The following KLRG1 variants were observed in gnomAD, a reference collection of about 807,000 sequenced individuals.
The protein encoded by KLRG1 is killer cell lectin-like receptor subfamily G member 1.
Under a neutral mutation model 21.8 loss-of-function variants are expected in KLRG1, and 16 were observed. The observed-to-expected ratio is 0.73, with a 90% CI of 0.50 to 1.11. The LOEUF is 1.11. KLRG1 is among the 50% of genes most tolerant of loss of function. The probability of loss-of-function intolerance (pLI) is 0.00; values close to 1 mark genes in which losing one functional copy is unlikely to be tolerated. For missense variants in KLRG1, 173 were observed against 218.3 expected (o/e 0.79, Z 1.31); for synonymous variants, 69 against 75.9 (o/e 0.91, Z 0.47).
the KLRG1 span, among the ~76,000 whole-genome samples, chr12:9,022,945 C>T: frequency 6.6e-6 from 1 of 152,226 alleles, no homozygotes; most frequent in African/African-American, 2.4e-5. Flanking sequence ...ATCTGTGCCC[C>T]TTCTCACATG....
At position 8,963,684 on chromosome 12, in the gene KLRG1, A is replaced by G. The variant is rs776580344; in HGVS notation, c.-156+13448A>G. ...TGGTCCTGGACTTTTTTTGGTTGGTAAGCTATTGATTATTGCCTCAATTTC... is the reference window on the plus strand; with the variant it reads ...TGGTCCTGGACTTTTTTTGGTTGGTGAGCTATTGATTATTGCCTCAATTTC... On this transcript the variant is annotated intron_variant, in intron 1 of 4. Coordinates refer to the KLRG1 transcript ENST00000539240. 1.7e-3 allele frequency among the ~76,000 whole-genome samples: 264 copies of G among 152,284 alleles called. 2 individuals carry two copies. The highest frequency in any genetic ancestry group is 6.0e-3 in the African/African-American group (251 of 41,552).
chr12:9,080,112 C>A, the KLRG1 span: 1 of 1,588,282 alleles, frequency 6.3e-7, no homozygotes, highest in Non-Finnish European at 8.6e-7. Flanking sequence ...GAGACAGAAG[C>A]TCGGGCAGAT....
chr12:9,059,228 T>C, the KLRG1 span, among the ~76,000 whole-genome samples: 1 of 152,230 alleles, frequency 6.6e-6, no homozygotes, highest in Non-Finnish European at 1.5e-5. Flanking sequence ...TTTCTCTACA[T>C]TTCACAGTAC....
At chr12:9,186,260 C>T in the KLRG1 span, among the ~76,000 whole-genome samples, 2 of 152,122 alleles carry the variant, frequency 1.3e-5, no homozygotes, top group Admixed American at 1.3e-4. Context: ...CAGAAAGAAG[C>T]ACTGAATATA....
chr12:9,001,517 T>C (rs765927008), intron 3 of KLRG1, among the ~76,000 whole-genome samples: 1 of 152,234 alleles, frequency 6.6e-6, no homozygotes, highest in Admixed American at 6.5e-5. Context: ...CTCAAAACAC[T>C]GAAATAAACT....
At chr12:9,211,097 TCTAC>T in the KLRG1 span, among the ~76,000 whole-genome samples, 1 of 152,152 alleles carries the variant, frequency 6.6e-6, no homozygotes, top group East Asian at 1.9e-4. Flanking sequence ...ACACCACAAT[TCTAC>T]CAGTAGTGCA....
chr12:9,027,935 C>T, the KLRG1 span: 1 of 899,638 alleles, frequency 1.1e-6, no homozygotes, highest in Non-Finnish European at 1.8e-6. Flanking sequence ...CGCTAGCTCT[C>T]TCTTGCTTTG....
At chr12:9,101,322 ATCAAACTT>A in the KLRG1 span, 20 of 1,369,630 alleles carry the variant, frequency 1.5e-5, no homozygotes, top group Non-Finnish European at 2.0e-5. Flanking sequence ...CTCAAGAGAA[ATCAAACTT>A]TCAAAAGGAA....
At chr12:8,972,387 A>G (rs1297133040) in intron 1 of KLRG1, among the ~76,000 whole-genome samples, 3 of 151,904 alleles carry the variant, frequency 2.0e-5, no homozygotes, top group African/African-American at 4.8e-5. Context: ...TCGATCTCCT[A>G]ACCTCGTGAT....
At chr12:9,072,230 A>G in the KLRG1 span, 1 of 1,084,422 alleles carries the variant, frequency 9.2e-7, no homozygotes, top group Non-Finnish European at 1.3e-6. Context: ...TATCAACTTA[A>G]GAGAATACAT....
chr12:8,993,642 C>T (rs1160508277), intron 2 of KLRG1, among the ~76,000 whole-genome samples: 7 of 152,084 alleles, frequency 4.6e-5, no homozygotes, highest in Admixed American at 3.9e-4. Flanking sequence ...AGAGCCAAGT[C>T]CGACCTTTGA....
At chr12:9,110,362 A>G in the KLRG1 span, 1 of 1,350,508 alleles carries the variant, frequency 7.4e-7, no homozygotes, top group Non-Finnish European at 9.9e-7. Context: ...AAAGAAGTTT[A>G]TAATTATTTT....
the KLRG1 span, among the ~76,000 whole-genome samples, chr12:9,032,663 ACAAGATTTGTAACTTCCC>A: frequency 6.6e-6 from 1 of 152,212 alleles, no homozygotes; most frequent in African/African-American, 2.4e-5. Context: ...TCTGGAGGTC[ACAAGATTTGTAACTTCCC>A]CAATTACTCC....
At chr12:9,073,014 A>G in the KLRG1 span, 1,014 of 640,128 alleles carry the variant, frequency 1.6e-3, 4 homozygotes, top group East Asian at 9.4e-3. Context: ...TTCAAGATTG[A>G]TTATAATCTT....
chr12:9,030,596 C>T, the KLRG1 span, among the ~76,000 whole-genome samples: 3 of 152,024 alleles, frequency 2.0e-5, no homozygotes, highest in Non-Finnish European at 4.4e-5. Context: ...TTAGTAGAGA[C>T]GGGGTTTCAC....
the KLRG1 span, chr12:9,200,595 T>A: frequency 1.4e-6 from 1 of 710,304 alleles, no homozygotes; most frequent in African/African-American, 1.8e-5. Flanking sequence ...ATGGTAAGGT[T>A]TAACAATTCA....
At chr12:9,084,690 T>C in the KLRG1 span, among the ~76,000 whole-genome samples, 1 of 152,022 alleles carries the variant, frequency 6.6e-6, no homozygotes, top group East Asian at 1.9e-4. Context: ...ATAATTACCT[T>C]GAATGCAAAT....
chr12:9,114,104 A>C, the KLRG1 span, among the ~76,000 whole-genome samples: 18 of 152,192 alleles, frequency 1.2e-4, no homozygotes, highest in African/African-American at 4.3e-4. Flanking sequence ...TAAGCAGCTA[A>C]TAAGGTCTTA....
the KLRG1 span, chr12:9,110,102 A>G: frequency 2.0e-6 from 3 of 1,516,044 alleles, no homozygotes; most frequent in African/African-American, 2.8e-5. Context: ...AAAGATATCT[A>G]TGGAAACCCT....
Sources: gnomAD v4.1 joint callset for allele counts (sites outside exome capture counted in the v4.1 genomes callset) on GRCh38, gnomAD v4.1.1 for gene constraint, MANE v1.5 for transcripts, NCBI Gene and HGNC (gene_info 2026-07-23, HGNC 2026-07-21) for gene names.